The following SPAG9 variants were observed in gnomAD, a reference collection of about 807,000 sequenced individuals.
SPAG9 encodes the protein sperm associated antigen 9, also known as C-Jun-amino-terminal kinase-interacting protein 4.
SPAG9 carries 35 observed loss-of-function variants against 166.5 expected under a neutral mutation model. The ratio of observed to expected loss-of-function variants is 0.21; its 90% CI spans 0.16 to 0.28. The LOEUF (loss-of-function observed/expected upper bound fraction) is 0.28, where lower values mean the gene tolerates loss of function less well. Ranked by LOEUF, SPAG9 falls within the 10% of genes least tolerant of loss-of-function variation. The pLI, the probability that SPAG9 is intolerant of heterozygous loss-of-function variation, is 1.00. For missense variants in SPAG9, 1,235 were observed against 1,603.3 expected (o/e 0.77, Z 3.92); for synonymous variants, 534 against 565.5 (o/e 0.94, Z 0.79).
At chr17:50,997,270 A>C (rs1485920298) in intron 15 of SPAG9, among the ~76,000 whole-genome samples, 1 of 152,252 alleles carries the variant, frequency 6.6e-6, no homozygotes, top group Non-Finnish European at 1.5e-5. Flanking sequence ...ATCAGCCACC[A>C]AATTTATATC....
chr17:51,037,332 A>G (rs2046627264), intron 5 of SPAG9, among the ~76,000 whole-genome samples: 1 of 152,114 alleles, frequency 6.6e-6, no homozygotes, highest in Non-Finnish European at 1.5e-5. Flanking sequence ...TTAAAAATAC[A>G]TAAAAAATAG....
intron 1 of SPAG9, among the ~76,000 whole-genome samples, chr17:51,113,017 A>T (rs2144787580): frequency 6.6e-6 from 1 of 150,902 alleles, no homozygotes; most frequent in South Asian, 2.1e-4. Context: ...CACAAAAACA[A>T]ACAGTTCAGA....
chr17:51,008,816 G>A (rs973666838), intron 9 of SPAG9, among the ~76,000 whole-genome samples: 1 of 151,946 alleles, frequency 6.6e-6, no homozygotes, highest in African/African-American at 2.4e-5. Flanking sequence ...AATGATCTTC[G>A]GCAAGATATT....
intron 1 of SPAG9, among the ~76,000 whole-genome samples, chr17:51,086,766 A>G (rs899906447): frequency 4.8e-4 from 73 of 152,086 alleles, no homozygotes; most frequent in African/African-American, 1.6e-3. Flanking sequence ...TACTAAAAAC[A>G]CAAAAGTTAG....
intron 5 of SPAG9, among the ~76,000 whole-genome samples, chr17:51,038,143 G>C (rs2046692761): frequency 6.6e-6 from 1 of 152,058 alleles, no homozygotes; most frequent in African/African-American, 2.4e-5. Flanking sequence ...ATCTAGGCAA[G>C]GTAAAGCATA....
At chr17:51,102,814 T>C (rs749480144) in intron 1 of SPAG9, among the ~76,000 whole-genome samples, 5 of 152,114 alleles carry the variant, frequency 3.3e-5, no homozygotes, top group Non-Finnish European at 7.4e-5. Context: ...TTATTAATAT[T>C]ATCACTGTTA....
At chr17:51,043,617 C>A (rs1271457143) in intron 4 of SPAG9, among the ~76,000 whole-genome samples, 2 of 152,102 alleles carry the variant, frequency 1.3e-5, no homozygotes, top group African/African-American at 4.8e-5. Context: ...ATTTTGTGAA[C>A]CGAAAATCCA....
intron 21 of SPAG9, 133 bp downstream of exon 21, chr17:50,989,544 A>G (rs1975362124): frequency 2.6e-6 from 2 of 773,612 alleles, no homozygotes; most frequent in Admixed American, 2.0e-5. Context: ...TGAAATTATC[A>G]CAAGAATAGG....
At position 50,998,120 on chromosome 17, in the gene SPAG9, C is replaced by G. The variant is rs147216695; in HGVS notation, c.1838+324G>C. Among the ~76,000 whole-genome samples the G allele has an allele frequency of 4.5e-3, 684 of 150,614 alleles. 3 individuals are homozygous for G. Among genetic ancestry groups the G allele is most frequent in the Non-Finnish European group, 6.9e-3 (467 of 67,778 alleles). ...TGATCTCGGCTCACTGCAACCCCGC[C>G]TCCTGGGTTCAAGCGATTCTTCTGC... On this transcript the variant is annotated intron_variant, in intron 15 of 29. Transcript: ENST00000262013.
intron 2 of SPAG9, among the ~76,000 whole-genome samples, chr17:51,077,056 AGC>A (rs1491475997): frequency 4.2e-4 from 53 of 126,682 alleles, no homozygotes; most frequent in African/African-American, 1.6e-3. Context: ...CTATCTAGCT[AGC>A]TATCTAGCTA....
At chr17:51,038,038 A>G (rs2046688106) in intron 5 of SPAG9, among the ~76,000 whole-genome samples, 1 of 152,156 alleles carries the variant, frequency 6.6e-6, no homozygotes, top group Admixed American at 6.5e-5. Flanking sequence ...TTTGAGGACA[A>G]TCAACAGGGT....
chr17:51,058,364 T>C (rs1435807208), intron 2 of SPAG9, among the ~76,000 whole-genome samples: 1 of 152,128 alleles, frequency 6.6e-6, no homozygotes, highest in Non-Finnish European at 1.5e-5. Context: ...ACGATGAAAG[T>C]ATTATTATTA....
At position 51,005,216 on chromosome 17, in the gene SPAG9, T is replaced by C; in HGVS notation, c.1472A>G (p.Asp491Gly). The C allele has an allele frequency of 5.6e-6, 9 of 1,614,004 alleles. No individual in the cohort carries two copies. The highest frequency in any genetic ancestry group is 2.2e-5 in the East Asian group (1 of 44,862). The change falls in exon 12 of 30, where the codon GAT becomes GGT. Residue 491 changes from aspartate to glycine, a missense_variant. Transcript: ENST00000262013. ...AGTCCAAAATTGTAAACCTACATCA[T>C]CGTCATCTTTTGCTTTTTGCCTTGC... Reference protein sequence around the residue: ...EDARQKAKDDDDSDIPTAQRK... With the variant: ...EDARQKAKDDGDSDIPTAQRK...
At chr17:51,015,951 CAAAA>C (rs1430495624) in intron 8 of SPAG9, among the ~76,000 whole-genome samples, 1 of 151,778 alleles carries the variant, frequency 6.6e-6, no homozygotes, top group East Asian at 1.9e-4. Context: ...TAAGAAGATA[CAAAA>C]AAGACACCTA....
rs58721041 is a variant in SPAG9 at position 51,099,759 on chromosome 17, T to TAAA, written c.304-20058_304-20056dup. On this transcript the variant is annotated intron_variant, in intron 1 of 29. Coordinates refer to ENST00000262013, the MANE Select transcript of SPAG9 (RefSeq NM_001130528.3). ...TGTTATGAAAATATTCTTCTATTACTAAAAAAAAAAAAAAAAAAAAAAAAA... is the reference window on the plus strand; with the variant it reads ...TGTTATGAAAATATTCTTCTATTACTAAAAAAAAAAAAAAAAAAAAAAAAAAAA... Among the ~76,000 whole-genome samples, 362 of 43,612 alleles carry TAAA rather than the reference T, an allele frequency of 8.3e-3. 17 individuals are homozygous for TAAA. Among genetic ancestry groups the TAAA allele is most frequent in the African/African-American group, 0.013 (190 of 14,440 alleles). 28.6% of individuals were successfully genotyped at this position (43,612 alleles called of 152,430 possible).
At chr17:50,975,112 C>T in intron 27 of SPAG9, 165 bp from the exon 28 acceptor site, 1 of 594,258 alleles carries the variant, frequency 1.7e-6, no homozygotes, top group South Asian at 2.5e-5. Flanking sequence ...AAAAGAGATA[C>T]AGCATGCTAG....
chr17:51,002,699 G>A (rs2045011042), intron 12 of SPAG9, among the ~76,000 whole-genome samples: 1 of 152,008 alleles, frequency 6.6e-6, no homozygotes, highest in Non-Finnish European at 1.5e-5. Flanking sequence ...CAAGGCTGCA[G>A]TGAGCCATGA....
chr17:51,092,426 A>G (rs1182932193), intron 1 of SPAG9, among the ~76,000 whole-genome samples: 1 of 152,216 alleles, frequency 6.6e-6, no homozygotes, highest in African/African-American at 2.4e-5. Flanking sequence ...TACTGATTGA[A>G]AACAACCAAC....
Position 51,038,701 on chromosome 17 carries a change from G to C in SPAG9, c.741+2800C>G, listed in dbSNP as rs117240955. 3.8e-3 allele frequency among the ~76,000 whole-genome samples: 573 copies of C among 152,124 alleles called. 2 individuals are homozygous for C. Among genetic ancestry groups the C allele is most frequent in the Middle Eastern group, 0.01 (3 of 294 alleles). On this transcript the variant is annotated intron_variant, in intron 5 of 29. Transcript: ENST00000262013. ...CTCCTCCAGACCTTTCCATGCACCT[G>C]CACATCCCCATGTCAGGATGAAAGT...
Sources: gnomAD v4.1 joint callset for allele counts (sites outside exome capture counted in the v4.1 genomes callset) on GRCh38, gnomAD v4.1.1 for gene constraint, MANE v1.5 for transcripts, NCBI Gene and HGNC (gene_info 2026-07-23, HGNC 2026-07-21) for gene names.